ZNF69: variants seen among roughly 807,000 people sequenced by gnomAD.
ZNF69 encodes the protein ZNF3.
ZNF69 carries 47 observed loss-of-function variants against 50.9 expected under a neutral mutation model. That is an observed-to-expected ratio of 0.92 (90% CI 0.73 to 1.18). The LOEUF (loss-of-function observed/expected upper bound fraction) is 1.18. Among genes scored for constraint, ZNF69 ranks in the 50% most tolerant of loss-of-function variants. ZNF69 has a pLI of 0.00. For missense variants in ZNF69, 717 were observed against 675.1 expected, an observed-to-expected ratio of 1.06 and a Z score of -0.69; for synonymous variants, 216 against 223.1, an observed-to-expected ratio of 0.97 and a Z score of 0.29.
At chr19:11,978,759 A>G in the ZNF69 span, 158 of 1,614,026 alleles carry the variant, frequency 9.8e-5, no homozygotes, top group Middle Eastern at 1.6e-4. Context: ...AAGAACCCAC[A>G]CTGGGGGAAA....
chr19:11,951,883 C>G, the ZNF69 span, among the ~76,000 whole-genome samples: 3 of 152,138 alleles, frequency 2.0e-5, no homozygotes, highest in Non-Finnish European at 4.4e-5. Flanking sequence ...ATGGTAAAAG[C>G]CTTGGCCTTG....
chr19:11,965,357 C>T, the ZNF69 span: 12 of 1,147,692 alleles, frequency 1.0e-5, no homozygotes, highest in Non-Finnish European at 1.5e-5. Context: ...CCCTCGGTCC[C>T]CTCGGCCGCT....
the ZNF69 span, chr19:11,948,712 G>A: frequency 2.5e-6 from 4 of 1,612,986 alleles, no homozygotes; most frequent in South Asian, 2.2e-5. Context: ...TTGTGGGAAA[G>A]CCTTCCATTC....
In ZNF69 at chr19:11,904,952, T is replaced by C; in HGVS notation, c.555T>C (p.Asp185=). Residue 185 remains aspartate (D), a synonymous_variant, in exon 4 of 4, where the codon GAT becomes GAC. Coordinates refer to ENST00000429654, the MANE Select transcript of ZNF69 (RefSeq NM_001364730.1). ...CCTCCTTTAGAACACCACAAAGGGATCACACTGGAGAGAAACCCTATGCTT... is the reference window on the plus strand; with the variant it reads ...CCTCCTTTAGAACACCACAAAGGGACCACACTGGAGAGAAACCCTATGCTT... ...YHPSFRTPQR[D]HTGEKPYACK... is the part of the protein sequence containing the mutation. 6.2e-7 allele frequency: 1 copy of C among 1,614,190 alleles called. No homozygotes were observed. Among genetic ancestry groups the C allele is most frequent in the Non-Finnish European group, 8.5e-7 (1 of 1,180,036 alleles).
the ZNF69 span, among the ~76,000 whole-genome samples, chr19:11,954,314 CT>C: frequency 6.6e-6 from 1 of 152,060 alleles, no homozygotes; most frequent in Admixed American, 6.6e-5. Context: ...CAAAGCAGAC[CT>C]TTTTATGCAG....
the ZNF69 span, among the ~76,000 whole-genome samples, chr19:11,967,828 C>G: frequency 2.0e-5 from 3 of 152,206 alleles, no homozygotes; most frequent in Non-Finnish European, 4.4e-5. Flanking sequence ...GGGGTCTTGT[C>G]TATGTAAAGA....
the ZNF69 span, among the ~76,000 whole-genome samples, chr19:11,945,086 G>A: frequency 1.2e-4 from 19 of 152,370 alleles, no homozygotes; most frequent in East Asian, 3.5e-3. Flanking sequence ...AACTCCAACT[G>A]CCTTTTTTTC....
the ZNF69 span, among the ~76,000 whole-genome samples, chr19:11,972,751 C>T: frequency 6.6e-6 from 1 of 152,200 alleles, no homozygotes; most frequent in East Asian, 1.9e-4. Context: ...AAATAATCCA[C>T]AGAGTTCCCA....
At chr19:11,936,120 G>C in the ZNF69 span, among the ~76,000 whole-genome samples, 2 of 152,136 alleles carry the variant, frequency 1.3e-5, no homozygotes, top group Non-Finnish European at 2.9e-5. Context: ...GTGGACATTT[G>C]GGTTGGTTCC....
downstream of ZNF69, among the ~76,000 whole-genome samples, chr19:11,914,604 C>A (rs1972505292): frequency 6.6e-6 from 1 of 152,180 alleles, no homozygotes; most frequent in Admixed American, 6.5e-5. Context: ...TTGTCAACAG[C>A]CTGCTTATCT....
At chr19:11,946,994 A>T in the ZNF69 span, 1 of 1,062,896 alleles carries the variant, frequency 9.4e-7, no homozygotes, top group Non-Finnish European at 1.3e-6. Flanking sequence ...GTCTCAAAAA[A>T]TAAATAAATA....
At chr19:11,965,066 C>T in the ZNF69 span, 1 of 1,050,058 alleles carries the variant, frequency 9.5e-7, no homozygotes, top group African/African-American at 1.6e-5. Context: ...CCTTGCGCAG[C>T]CGGTGGTTGA....
At chr19:11,891,293 G>A (rs1599342313) in intron 1 of ZNF69, among the ~76,000 whole-genome samples, 1 of 151,688 alleles carries the variant, frequency 6.6e-6, no homozygotes, top group Non-Finnish European at 1.5e-5. Context: ...CGGGTGTGGT[G>A]GCTTGCACCT....
At chr19:11,931,011 A>AC in the ZNF69 span, among the ~76,000 whole-genome samples, 1 of 147,718 alleles carries the variant, frequency 6.8e-6, no homozygotes, top group Non-Finnish European at 1.5e-5. Flanking sequence ...AAAAAAAAAA[A>AC]AACAACATAG....
the ZNF69 span, among the ~76,000 whole-genome samples, chr19:11,960,536 C>T: frequency 6.6e-6 from 1 of 151,946 alleles, no homozygotes; most frequent in African/African-American, 2.4e-5. Context: ...TCAATGAATC[C>T]TCCTGCCTTC....
In ZNF69 at chr19:11,905,774, T is replaced by C; in HGVS notation, c.1377T>C (p.Leu459=). ...CGKAFRSMKN[L]QSHERTQTHV... ...AAGCCTTCAGATCTATGAAGAACCTTCAAAGTCATGAAAGGACACAAACAC... is the reference window on the plus strand; with the variant it reads ...AAGCCTTCAGATCTATGAAGAACCTCCAAAGTCATGAAAGGACACAAACAC... The change falls in exon 4 of 4, where the codon CTT becomes CTC. Residue 459 remains leucine, a synonymous_variant. Coordinates refer to ENST00000429654, the MANE Select transcript of ZNF69 (RefSeq NM_001364730.1). The C allele has an allele frequency of 6.2e-7, 1 of 1,611,000 alleles. No homozygotes were observed. Among genetic ancestry groups the C allele is most frequent in the Non-Finnish European group, 8.5e-7 (1 of 1,179,484 alleles).
At chr19:11,967,380 C>A in the ZNF69 span, among the ~76,000 whole-genome samples, 1 of 152,108 alleles carries the variant, frequency 6.6e-6, no homozygotes, top group African/African-American at 2.4e-5. Context: ...GAAGACCAAC[C>A]TGGCTAACAC....
intron 1 of ZNF69, among the ~76,000 whole-genome samples, chr19:11,903,124 G>A (rs531986766): frequency 9.9e-5 from 15 of 151,980 alleles, no homozygotes; most frequent in Middle Eastern, 3.4e-3. Flanking sequence ...GTAACAGAAC[G>A]AGACGCTGTC....
the ZNF69 span, among the ~76,000 whole-genome samples, chr19:11,920,262 C>T: frequency 6.6e-6 from 1 of 152,046 alleles, no homozygotes; most frequent in African/African-American, 2.4e-5. Flanking sequence ...CAGGTGTGCA[C>T]TACCATGTCC....
Sources: allele counts gnomAD v4.1 joint callset (sites outside exome capture counted in the v4.1 genomes callset), GRCh38; gene constraint gnomAD v4.1.1; transcripts MANE v1.5; gene names NCBI Gene and HGNC (gene_info 2026-07-23, HGNC 2026-07-21).